The following JAM3 variants were observed in gnomAD, a reference collection of about 807,000 sequenced individuals.
The protein encoded by JAM3 is junctional adhesion molecule 3, also known as junctional adhesion molecule C.
A neutral mutation model predicts 39.4 loss-of-function variants in JAM3; 31 were observed. The observed-to-expected ratio is 0.79, with a 90% CI of 0.59 to 1.06. The LOEUF (loss-of-function observed/expected upper bound fraction) is 1.06. JAM3 is among the 50% of genes least tolerant of loss of function. The pLI is 0.00. For missense variants in JAM3, 455 were observed against 391.4 expected (o/e 1.16, Z -1.37); for synonymous variants, 182 against 148.7 (o/e 1.22, Z -1.63).
In JAM3 at chr11:134,151,691, TACTA is replaced by T. The variant is rs1186138079; in HGVS notation, c.*2513_*2516del. Reference sequence around the variant, plus strand: ...GCTGTACACAGATGCTACAGACTTGTACTAACACACCGTAATTTGGCATTTGTTT... The same window carrying T: ...GCTGTACACAGATGCTACAGACTTGTACACACCGTAATTTGGCATTTGTTT... On this transcript the variant is annotated 3_prime_UTR_variant, in exon 9 of 9. Transcript: ENST00000299106. 1.3e-5 allele frequency: 2 copies of T among 152,252 alleles called. No individual in the cohort carries two copies. The highest frequency in any genetic ancestry group is 4.8e-5 in the African/African-American group (2 of 41,466). 9.4% of individuals were successfully genotyped at this position (152,252 alleles called of 1,614,324 possible).
At chr11:134,121,661 C>T (rs1942534453) in intron 1 of JAM3, among the ~76,000 whole-genome samples, 1 of 152,022 alleles carries the variant, frequency 6.6e-6, no homozygotes, top group Admixed American at 6.6e-5. Flanking sequence ...GAAAAAAATC[C>T]AGTTTTGAGA....
intron 1 of JAM3, among the ~76,000 whole-genome samples, chr11:134,086,789 AGT>A (rs1201703623): frequency 6.6e-6 from 1 of 152,048 alleles, no homozygotes; most frequent in Admixed American, 6.6e-5. Flanking sequence ...AGTTTTAAAA[AGT>A]GTGTGAGTGG....
chr11:134,115,610 G>A (rs1942413095), intron 1 of JAM3, among the ~76,000 whole-genome samples: 1 of 152,072 alleles, frequency 6.6e-6, no homozygotes, highest in Non-Finnish European at 1.5e-5. Context: ...TTATAGATTG[G>A]GGGAGGGGGT....
rs570864475 is a variant in JAM3, at chr11:134,086,061, C to A, written c.76+16902C>A. On this transcript the variant is annotated intron_variant, in intron 1 of 8. Coordinates refer to ENST00000299106, the MANE Select transcript of JAM3 (RefSeq NM_032801.5). Reference sequence around the variant, plus strand: ...TTTTGAGGTTGTAATAATCTCCTCACATATTTGAGCCCTATCGTATTAATC... The same window carrying A: ...TTTTGAGGTTGTAATAATCTCCTCAAATATTTGAGCCCTATCGTATTAATC... 2.0e-5 allele frequency among the ~76,000 whole-genome samples: 3 copies of A among 152,302 alleles called. No homozygotes were observed. The East Asian group carries it at 5.8e-4, about 29-fold the overall frequency.
chr11:134,149,309 G>C lies in JAM3; in HGVS notation c.*128G>C. On this transcript the variant is annotated 3_prime_UTR_variant, in exon 9 of 9. Transcript: ENST00000299106. ...CACTCATTCAGAAGCTTTTCGTTTT[G>C]GCCAAAGTTGACCACTACTCTTCTT... 8.9e-7 allele frequency: 1 copy of C among 1,119,706 alleles called. No homozygotes were observed. The highest frequency in any genetic ancestry group is 1.3e-5 in the South Asian group (1 of 76,250). 69.4% of individuals were successfully genotyped at this position (1,119,706 alleles called of 1,614,324 possible).
At chr11:134,144,711 T>C (rs1943038934) in intron 4 of JAM3, 81 bp from the exon 5 acceptor site, 4 of 1,296,664 alleles carry the variant, frequency 3.1e-6, no homozygotes, top group Non-Finnish European at 4.5e-6. Flanking sequence ...TGTCTTGTCT[T>C]TGGAGCTGAT....
At chr11:134,144,453 T>C (rs1204942608) in intron 4 of JAM3, 60 bp downstream of exon 4, 1 of 1,590,710 alleles carries the variant, frequency 6.3e-7, no homozygotes, top group African/African-American at 1.3e-5. Context: ...TCAGTTAGTG[T>C]CTTGGTTTCT....
Position 134,075,719 on chromosome 11 carries a change from GC to G in JAM3, c.76+6563del, listed in dbSNP as rs1941556898. Among the ~76,000 whole-genome samples, 8 of 152,162 alleles carry G rather than the reference GC, an allele frequency of 5.3e-5. No homozygotes were observed. The South Asian group carries it at 1.7e-3, about 32-fold the overall frequency. ...TGAGATTATGGGCATACACCACCATGCCCTCCCTGAATTTCTTTTCAGTTAT... is the reference window on the plus strand; with the variant it reads ...TGAGATTATGGGCATACACCACCATGCCTCCCTGAATTTCTTTTCAGTTAT... On this transcript the variant is annotated intron_variant, in intron 1 of 8. Transcript: ENST00000299106.
chr11:134,082,861 C>G (rs1338399320), intron 1 of JAM3, among the ~76,000 whole-genome samples: 1 of 152,142 alleles, frequency 6.6e-6, no homozygotes, highest in Non-Finnish European at 1.5e-5. Context: ...GCCAGGATCC[C>G]TATAGAGGAC....
intron 1 of JAM3, among the ~76,000 whole-genome samples, chr11:134,109,104 G>A (rs144823470): frequency 3.2e-4 from 49 of 152,122 alleles, no homozygotes; most frequent in African/African-American, 9.4e-4. Context: ...CTACAGGCAC[G>A]AGCCACCACA....
At chr11:134,130,367 A>G (rs1258191182) in intron 1 of JAM3, among the ~76,000 whole-genome samples, 1 of 152,198 alleles carries the variant, frequency 6.6e-6, no homozygotes, top group Admixed American at 6.5e-5. Flanking sequence ...TACTTAAAAT[A>G]AGTAACTTTT....
chr11:134,119,992 A>T (rs1020994421), intron 1 of JAM3, among the ~76,000 whole-genome samples: 3 of 152,204 alleles, frequency 2.0e-5, no homozygotes, highest in African/African-American at 7.2e-5. Context: ...TGCTGTGTGT[A>T]TGGGTGAGTG....
In JAM3 at chr11:134,138,221, A is replaced by G. The variant is rs79180664; in HGVS notation, c.77-1630A>G. 8.0e-3 allele frequency among the ~76,000 whole-genome samples: 519 copies of G among 64,870 alleles called. 30 individuals carry two copies. Among genetic ancestry groups the G allele is most frequent in the African/African-American group, 0.037 (381 of 10,164 alleles). The allele number at this position is 64,870 out of a possible 152,430, so 42.6% of individuals were successfully genotyped here. ...ATACTGAGAGAAATGTTTATGGCCA[A>G]TAGTCCCTTAGAGCCAGTGGTGGCG... On this transcript the variant is annotated intron_variant, in intron 1 of 8. Transcript: ENST00000299106.
At chr11:134,081,847 G>A (rs1941670891) in intron 1 of JAM3, among the ~76,000 whole-genome samples, 1 of 152,228 alleles carries the variant, frequency 6.6e-6, no homozygotes, top group Non-Finnish European at 1.5e-5. Context: ...CACAGACACT[G>A]AACACCAGCC....
At chr11:134,145,771 G>T (rs1238266257) in intron 5 of JAM3, among the ~76,000 whole-genome samples, 175 bp from the exon 6 acceptor site, 1 of 152,226 alleles carries the variant, frequency 6.6e-6, no homozygotes, top group African/African-American at 2.4e-5. Flanking sequence ...GGGATTGGTT[G>T]TTGGGGAGCT....
intron 1 of JAM3, among the ~76,000 whole-genome samples, chr11:134,102,406 G>A (rs1011373554): frequency 2.6e-5 from 4 of 152,130 alleles, no homozygotes; most frequent in Non-Finnish European, 5.9e-5. Context: ...AAACCACAAA[G>A]ATGGGGAAAA....
chr11:134,078,767 A>G (rs1480705712), intron 1 of JAM3, among the ~76,000 whole-genome samples: 3 of 152,164 alleles, frequency 2.0e-5, no homozygotes, highest in Non-Finnish European at 2.9e-5. Context: ...GGCCGAGCAC[A>G]GTGGCTCACG....
chr11:134,144,504 A>C, intron 4 of JAM3, 111 bp downstream of exon 4: 2 of 1,313,186 alleles, frequency 1.5e-6, no homozygotes, highest in South Asian at 2.4e-5. Context: ...CACATGGCTT[A>C]GGGAGGGGAG....
chr11:134,086,827 G>GT (rs1352214351), intron 1 of JAM3, among the ~76,000 whole-genome samples: 1 of 151,632 alleles, frequency 6.6e-6, no homozygotes, highest in Non-Finnish European at 1.5e-5. Context: ...TTGTTGTTTT[G>GT]TTTTTTGATG....
Sources: allele counts gnomAD v4.1 joint callset (sites outside exome capture counted in the v4.1 genomes callset), GRCh38; gene constraint gnomAD v4.1.1; transcripts MANE v1.5; gene names NCBI Gene and HGNC (gene_info 2026-07-23, HGNC 2026-07-21).